RBPJ: variants seen among roughly 807,000 people sequenced by gnomAD.
RBPJ encodes recombination signal binding protein for immunoglobulin kappa J region.
A neutral mutation model predicts 67.8 loss-of-function variants in RBPJ; 9 were observed. That is an observed-to-expected ratio of 0.13 (90% CI 0.08 to 0.23). RBPJ has a LOEUF of 0.23. Ranked by LOEUF, RBPJ falls within the 10% of genes least tolerant of loss-of-function variation. RBPJ has a pLI of 1.00. For missense variants in RBPJ, 305 were observed against 595.6 expected (o/e 0.51, Z 5.08); for synonymous variants, 198 against 203.3 (o/e 0.97, Z 0.22).
intron 1 of RBPJ, among the ~76,000 whole-genome samples, chr4:26,214,369 G>GGA: frequency 8.5e-6 from 1 of 117,084 alleles, no homozygotes; most frequent in South Asian, 3.4e-4. Context: ...AGGAAGGAAG[G>GGA]AAGGAGAGAG....
chr4:26,399,519 T>C (rs1732533311), intron 2 of RBPJ, among the ~76,000 whole-genome samples: 1 of 97,940 alleles, frequency 1.0e-5, no homozygotes, highest in African/African-American at 2.7e-5. Context: ...GGTATTTTTC[T>C]TTCCTTTTTT....
intron 3 of RBPJ, among the ~76,000 whole-genome samples, chr4:26,413,294 CCTT>C (rs1203673828): frequency 1.3e-5 from 2 of 152,196 alleles, no homozygotes; most frequent in East Asian, 1.9e-4. Context: ...CTCAAAGTCA[CCTT>C]CTTAAGGAAA....
At chr4:26,283,477 G>A (rs1264753498) in intron 1 of RBPJ, among the ~76,000 whole-genome samples, 1 of 151,046 alleles carries the variant, frequency 6.6e-6, no homozygotes, top group East Asian at 2.0e-4. Context: ...CCCGGGAGGC[G>A]GAGGTTGAAG....
In RBPJ at chr4:26,229,033, T is replaced by A. The variant is rs539192215; in HGVS notation, c.-167+65419T>A. On this transcript the variant is annotated intron_variant, in intron 1 of 4. Coordinates refer to the RBPJ transcript ENST00000512351. ...GCCTTAGAGCTCTTCTTGGCTTTGT[T>A]TTTCTAAAAAGTACCCATGACTATA... Among the ~76,000 whole-genome samples, 15 of 152,300 alleles carry A rather than the reference T, an allele frequency of 9.8e-5. 2 individuals carry two copies. Among genetic ancestry groups the A allele is most frequent in the African/African-American group, 3.6e-4 (15 of 41,558 alleles).
At chr4:26,354,871 T>C (rs1018083072) in intron 1 of RBPJ, among the ~76,000 whole-genome samples, 2 of 152,212 alleles carry the variant, frequency 1.3e-5, no homozygotes, top group African/African-American at 4.8e-5. Flanking sequence ...CAAATAGAGA[T>C]GGACTGTTTT....
intron 1 of RBPJ, among the ~76,000 whole-genome samples, chr4:26,306,011 C>T (rs1157323070): frequency 4.4e-5 from 5 of 113,776 alleles, no homozygotes; most frequent in Non-Finnish European, 7.2e-5. Context: ...GTCTCGAACT[C>T]CTGAGCTCAG....
intron 1 of RBPJ, among the ~76,000 whole-genome samples, chr4:26,341,277 C>T (rs1158041900): frequency 6.6e-6 from 1 of 152,040 alleles, no homozygotes; most frequent in East Asian, 1.9e-4. Flanking sequence ...GAAGATGGCT[C>T]AACAAGAAGG....
At chr4:26,122,310 A>G in the RBPJ span, among the ~76,000 whole-genome samples, 1 of 152,192 alleles carries the variant, frequency 6.6e-6, no homozygotes, top group Non-Finnish European at 1.5e-5. Context: ...AACAGCAAAT[A>G]TTATTCCCAT....
intron 3 of RBPJ, among the ~76,000 whole-genome samples, chr4:26,412,566 A>G (rs979738608): frequency 2.6e-5 from 4 of 152,222 alleles, no homozygotes; most frequent in African/African-American, 9.6e-5. Flanking sequence ...TCAACCACTA[A>G]GTATAAATGC....
rs908945141 is a variant in RBPJ, at chr4:26,291,662, C to T, written c.-166-70784C>T. ...CACAGTCCCTGCTCACTGCAACCTC[C>T]GCCTCCTGGGTTCAAGTGATTCTCC... is the stretch of plus-strand genomic sequence containing the variant. On this transcript the variant is annotated intron_variant, in intron 1 of 4. Coordinates refer to the RBPJ transcript ENST00000512351. Among the ~76,000 whole-genome samples the T allele has an allele frequency of 2.7e-5, 4 of 150,032 alleles. 1 individual carries two copies. Among genetic ancestry groups the T allele is most frequent in the South Asian group, 2.1e-4 (1 of 4,736 alleles).
At chr4:26,216,293 C>T (rs1241786820) in intron 1 of RBPJ, among the ~76,000 whole-genome samples, 2 of 152,090 alleles carry the variant, frequency 1.3e-5, no homozygotes, top group Non-Finnish European at 2.9e-5. Context: ...ACTAGAAGAA[C>T]ATATCATTTG....
intron 4 of RBPJ, among the ~76,000 whole-genome samples, chr4:26,417,152 C>T (rs575700048): frequency 1.3e-5 from 2 of 152,282 alleles, no homozygotes; most frequent in South Asian, 2.1e-4. Context: ...ATGAGTGGAT[C>T]AGATAGGTAG....
the RBPJ span, among the ~76,000 whole-genome samples, chr4:26,133,667 T>C: frequency 6.6e-6 from 1 of 152,110 alleles, no homozygotes. Context: ...GGGATCTAGG[T>C]TGTGAAGTCT....
At chr4:26,352,099 A>G (rs540656077) in intron 1 of RBPJ, among the ~76,000 whole-genome samples, 1 of 152,330 alleles carries the variant, frequency 6.6e-6, no homozygotes, top group East Asian at 1.9e-4. Context: ...TAATGGTAGC[A>G]GTTTTAGCAT....
the RBPJ span, among the ~76,000 whole-genome samples, chr4:26,146,436 AC>A: frequency 6.6e-6 from 1 of 152,202 alleles, no homozygotes; most frequent in African/African-American, 2.4e-5. Flanking sequence ...AAACAAGAAA[AC>A]ATTTAGAAGT....
intron 1 of RBPJ, among the ~76,000 whole-genome samples, chr4:26,357,206 A>G (rs1031115762): frequency 6.6e-6 from 1 of 152,220 alleles, no homozygotes; most frequent in Non-Finnish European, 1.5e-5. Context: ...ATAGCTAGTG[A>G]TAATTGTGAA....
rs371025225 is a variant in RBPJ at position 26,283,649 on chromosome 4, C to CTT, written c.-166-78783_-166-78782dup. On this transcript the variant is annotated intron_variant, in intron 1 of 4. Coordinates refer to the RBPJ transcript ENST00000512351. ...TTCCTGCTGAATACATTTAACTAAA[C>CTT]TTTTTTTTTTTTTTTGAGACGGTGT... Among the ~76,000 whole-genome samples, 185 of 142,302 alleles carry CTT rather than the reference C, an allele frequency of 1.3e-3. 1 individual carries two copies. Among genetic ancestry groups the CTT allele is most frequent in the East Asian group, 3.5e-3 (17 of 4,856 alleles). 93.4% of individuals were successfully genotyped at this position (142,302 alleles called of 152,430 possible).
intron 1 of RBPJ, among the ~76,000 whole-genome samples, chr4:26,275,789 C>T (rs56251266): frequency 0.32 from 49,274 of 151,774 alleles, 9,513 homozygotes; most frequent in Admixed American, 0.43. Context: ...CACCACCACA[C>T]CCAGCTACTT....
At chr4:26,278,253 A>G (rs559407299) in intron 1 of RBPJ, among the ~76,000 whole-genome samples, 13 of 152,234 alleles carry the variant, frequency 8.5e-5, no homozygotes, top group Non-Finnish European at 1.6e-4. Context: ...CACGTCTGTC[A>G]TGAAGATATA....
Sources: gnomAD v4.1 joint callset for allele counts (sites outside exome capture counted in the v4.1 genomes callset) on GRCh38, gnomAD v4.1.1 for gene constraint, MANE v1.5 for transcripts, NCBI Gene and HGNC (gene_info 2026-07-23, HGNC 2026-07-21) for gene names.